Variants in ARSG observed in about 807,000 individuals in gnomAD.
ARSG encodes arylsulfatase G.
ARSG carries 37 observed loss-of-function variants against 50.5 expected under a neutral mutation model. That is an observed-to-expected ratio of 0.73 (90% CI 0.56 to 0.96). The LOEUF (loss-of-function observed/expected upper bound fraction) is 0.96. Ranked by LOEUF, ARSG falls within the 50% of genes least tolerant of loss-of-function variation. ARSG has a pLI of 0.00. For synonymous variants in ARSG, 225 were observed against 254.6 expected (o/e 0.88, Z 1.11); for missense variants, 629 against 675.3 (o/e 0.93, Z 0.76).
intron 8 of ARSG, among the ~76,000 whole-genome samples, chr17:68,372,635 C>T (rs1320659502): frequency 6.6e-6 from 1 of 152,150 alleles, no homozygotes; most frequent in East Asian, 1.9e-4. Context: ...CGCCTTCCAC[C>T]AGGCCCCTCC....
chr17:68,437,770 C>A, the ARSG span, among the ~76,000 whole-genome samples: 5 of 151,742 alleles, frequency 3.3e-5, no homozygotes, highest in African/African-American at 1.2e-4. Flanking sequence ...AACCACTGAA[C>A]CAACATAAGC....
chr17:68,444,536 C>A, the ARSG span: 1 of 1,614,168 alleles, frequency 6.2e-7, no homozygotes, highest in Non-Finnish European at 8.5e-7. Context: ...TCAACAGCTT[C>A]ATGTCTTTAA....
chr17:68,424,149 G>A (rs1363753726), downstream of ARSG, among the ~76,000 whole-genome samples: 2 of 152,210 alleles, frequency 1.3e-5, no homozygotes, highest in Non-Finnish European at 2.9e-5. Context: ...TAGTTAGGCA[G>A]CATGCCAACA....
intron 1 of ARSG, among the ~76,000 whole-genome samples, chr17:68,301,712 CCTTT>C (rs2076424365): frequency 7.1e-6 from 1 of 141,078 alleles, no homozygotes. Flanking sequence ...GCAGCAAAAG[CCTTT>C]CTTTCCTCTC....
intron 11 of ARSG, among the ~76,000 whole-genome samples, chr17:68,408,775 C>T (rs983897828): frequency 4.0e-5 from 6 of 151,406 alleles, no homozygotes; most frequent in African/African-American, 1.4e-4. Flanking sequence ...TCCACATCCT[C>T]TCCAGCACTT....
chr17:68,371,968 C>T (rs989848799), intron 8 of ARSG, among the ~76,000 whole-genome samples: 2 of 152,048 alleles, frequency 1.3e-5, no homozygotes, highest in African/African-American at 4.8e-5. Flanking sequence ...TAAAGGGTAA[C>T]AAAACATTAG....
chr17:68,416,608 C>T (rs2082379768), intron 11 of ARSG, among the ~76,000 whole-genome samples: 1 of 152,116 alleles, frequency 6.6e-6, no homozygotes, highest in South Asian at 2.1e-4. Context: ...ACCAATTATT[C>T]TTAGATTTGG....
At chr17:68,272,938 A>G (rs2075387888) in intron 1 of ARSG, among the ~76,000 whole-genome samples, 1 of 152,124 alleles carries the variant, frequency 6.6e-6, no homozygotes, top group Non-Finnish European at 1.5e-5. Context: ...GGTTTCATTA[A>G]CGGTCTGGAT....
intron 8 of ARSG, among the ~76,000 whole-genome samples, chr17:68,375,102 T>C (rs992829383): frequency 7.2e-5 from 11 of 152,172 alleles, no homozygotes; most frequent in African/African-American, 2.4e-4. Context: ...GATTTTAATA[T>C]GCAGACAGTC....
At chr17:68,339,165 T>G (rs373530051) in intron 2 of ARSG, among the ~76,000 whole-genome samples, 98 of 152,236 alleles carry the variant, frequency 6.4e-4, no homozygotes, top group African/African-American at 2.3e-3. Flanking sequence ...GGCGCGTGCC[T>G]GTAGTCCCAG....
chr17:68,421,809 G>T (rs146678987), downstream of ARSG: 25 of 1,614,100 alleles, frequency 1.5e-5, no homozygotes, highest in Non-Finnish European at 1.9e-5. Context: ...GATTTCCACG[G>T]CACAAGATTA....
At chr17:68,407,297 G>A (rs376975182) in intron 11 of ARSG, among the ~76,000 whole-genome samples, 1 of 152,154 alleles carries the variant, frequency 6.6e-6, no homozygotes, top group Admixed American at 6.5e-5. Flanking sequence ...TTGAAATCAG[G>A]TAGTGTGATG....
chr17:68,450,877 T>C, the ARSG span: 21 of 1,613,134 alleles, frequency 1.3e-5, no homozygotes, highest in Non-Finnish European at 1.8e-5. Flanking sequence ...CGCTCCACGA[T>C]GTAGACGTCC....
the ARSG span, chr17:68,435,710 T>C: frequency 6.2e-7 from 1 of 1,614,136 alleles, no homozygotes. Context: ...TGCAGACTGT[T>C]TTCTGTTGGT....
intron 9 of ARSG, among the ~76,000 whole-genome samples, chr17:68,387,303 A>AT (rs1205286323): frequency 3.3e-5 from 5 of 151,706 alleles, no homozygotes; most frequent in Non-Finnish European, 7.4e-5. Flanking sequence ...TAATTTTTTA[A>AT]TTTTTTGTAG....
At chr17:68,437,941 T>A in the ARSG span, among the ~76,000 whole-genome samples, 1 of 48,602 alleles carries the variant, frequency 2.1e-5, no homozygotes, top group African/African-American at 7.0e-5. Context: ...AAGAGAGACA[T>A]CTCTCTTAAA....
At chr17:68,347,597 C>G (rs2078573375) in intron 4 of ARSG, among the ~76,000 whole-genome samples, 1 of 152,212 alleles carries the variant, frequency 6.6e-6, no homozygotes, top group Admixed American at 6.5e-5. Context: ...TTCCTGCAGC[C>G]TTTGCTTCCT....
chr17:68,379,055 G>T lies in ARSG; in HGVS notation c.983-6009G>T, dbSNP rs76914412. 3.2e-3 allele frequency among the ~76,000 whole-genome samples: 489 copies of T among 152,124 alleles called. 4 individuals carry two copies. Among genetic ancestry groups the T allele is most frequent in the African/African-American group, 0.012 (479 of 41,502 alleles). ...AGGGACCTAGAGGAAGTCAAACTGC[G>T]TCTCTTTCTGGGCCTTTGGCCACCA... On this transcript the variant is annotated intron_variant, in intron 8 of 11. Coordinates refer to ENST00000621439, the MANE Select transcript of ARSG (RefSeq NM_001267727.2).
At chr17:68,326,228 T>C (rs1489928295) in intron 2 of ARSG, among the ~76,000 whole-genome samples, 1 of 152,044 alleles carries the variant, frequency 6.6e-6, no homozygotes, top group Non-Finnish European at 1.5e-5. Flanking sequence ...TGTAGCCGGG[T>C]CAGGGAGATC....
Sources: gnomAD v4.1 joint callset for allele counts (sites outside exome capture counted in the v4.1 genomes callset) on GRCh38, gnomAD v4.1.1 for gene constraint, MANE v1.5 for transcripts, NCBI Gene and HGNC (gene_info 2026-07-23, HGNC 2026-07-21) for gene names.